FBXL17: variants seen among roughly 807,000 people sequenced by gnomAD.
FBXL17 encodes the protein F-box/LRR-repeat protein 17.
FBXL17 carries 22 observed loss-of-function variants against 66.2 expected under a neutral mutation model. That is an observed-to-expected ratio of 0.33 (90% CI 0.24 to 0.47). The LOEUF (loss-of-function observed/expected upper bound fraction) is 0.47, where lower values mean the gene tolerates loss of function less well. FBXL17 is among the 20% of genes least tolerant of loss of function. The pLI is 1.00. For synonymous variants in FBXL17, 474 were observed against 400.5 expected, an observed-to-expected ratio of 1.18 and a Z score of -2.19; for missense variants, 878 against 948.2, an observed-to-expected ratio of 0.93 and a Z score of 0.97.
In FBXL17 at chr5:108,155,445, G is replaced by A. The variant is rs569774342; in HGVS notation, c.1745+30672C>T. ...CAGGAGAATCACTGGAACCCAGGAG[G>A]TGGAGGTTGTAGTGAGACGAGATCG... On this transcript the variant is annotated intron_variant, in intron 6 of 8. Transcript: ENST00000542267. Among the ~76,000 whole-genome samples, 4 of 152,252 alleles carry A rather than the reference G, an allele frequency of 2.6e-5. No individual in the cohort carries two copies. The South Asian group carries it at 8.3e-4, about 32-fold the overall frequency.
chr5:108,317,335 T>C (rs564380861), intron 4 of FBXL17, among the ~76,000 whole-genome samples: 1 of 144,624 alleles, frequency 6.9e-6, no homozygotes, highest in Non-Finnish European at 1.5e-5. Flanking sequence ...TTGTTTTTTG[T>C]TTTTTTTTTT....
chr5:108,381,769 C>T lies in FBXL17; in HGVS notation c.-78G>A. 2.2e-6 allele frequency: 3 copies of T among 1,368,384 alleles called. No homozygotes were observed. Among genetic ancestry groups the T allele is most frequent in the Non-Finnish European group, 2.8e-6 (3 of 1,066,450 alleles). The allele number at this position is 1,368,384 out of a possible 1,614,324, so 84.8% of individuals were successfully genotyped here. A position where few individuals can be genotyped will look rare whatever the true frequency, so the allele number is the denominator to read the frequency against. On this transcript the variant is annotated 5_prime_UTR_variant, in exon 1 of 9. Coordinates refer to ENST00000542267, the MANE Select transcript of FBXL17 (RefSeq NM_001163315.3). ...GGCGGGCTCCCGGCAGCGGGGCAGG[C>T]CGCTCGCTGGCTCGGCCCCCGGAGG...
At chr5:107,895,245 G>A (rs1437946696) in intron 7 of FBXL17, among the ~76,000 whole-genome samples, 16 of 151,912 alleles carry the variant, frequency 1.1e-4, no homozygotes, top group Admixed American at 9.9e-4. Flanking sequence ...TATTCCCTAA[G>A]TTCTTGTATG....
In FBXL17 at chr5:108,263,981, C is replaced by G. The variant is rs368515924; in HGVS notation, c.1507-39753G>C. ...CTGTAATCCCAGCACTTTGGGAGGC[C>G]GAGGCGGGTAGATCACGAGGTCAGG... On this transcript the variant is annotated intron_variant, in intron 4 of 8. Transcript: ENST00000542267. Among the ~76,000 whole-genome samples, 43 of 152,038 alleles carry G rather than the reference C, an allele frequency of 2.8e-4. No homozygotes were observed. In the South Asian group the frequency reaches 7.1e-3, roughly 25 times the overall value.
At chr5:108,068,285 G>A (rs1358878049) in intron 6 of FBXL17, among the ~76,000 whole-genome samples, 1 of 152,044 alleles carries the variant, frequency 6.6e-6, no homozygotes, top group African/African-American at 2.4e-5. Flanking sequence ...CTGATTTTCA[G>A]TTAAATATTT....
At chr5:107,896,326 A>T (rs904920303) in intron 7 of FBXL17, among the ~76,000 whole-genome samples, 1 of 151,018 alleles carries the variant, frequency 6.6e-6, no homozygotes, top group South Asian at 2.1e-4. Context: ...AAAGGAGATT[A>T]AAAAAAAAGA....
At chr5:108,024,362 C>T (rs1042396072) in intron 6 of FBXL17, among the ~76,000 whole-genome samples, 2 of 152,052 alleles carry the variant, frequency 1.3e-5, no homozygotes, top group Admixed American at 6.6e-5. Flanking sequence ...TCTGTCTTAA[C>T]AAGAGAGAAT....
chr5:108,117,578 A>G (rs1246703285), intron 6 of FBXL17, among the ~76,000 whole-genome samples: 2 of 152,196 alleles, frequency 1.3e-5, no homozygotes, highest in Non-Finnish European at 2.9e-5. Flanking sequence ...CGTACAAAAG[A>G]CCCTCAAAGA....
intron 6 of FBXL17, among the ~76,000 whole-genome samples, chr5:108,037,655 T>C (rs755600931): frequency 2.6e-5 from 4 of 152,194 alleles, no homozygotes; most frequent in Non-Finnish European, 5.9e-5. Flanking sequence ...AAATCCAGGC[T>C]TGCAGACCTC....
At chr5:107,907,282 A>G (rs1749792948) in intron 7 of FBXL17, among the ~76,000 whole-genome samples, 1 of 152,166 alleles carries the variant, frequency 6.6e-6, no homozygotes. Context: ...TAAATGGGGA[A>G]GCTCTAGTTA....
intron 6 of FBXL17, among the ~76,000 whole-genome samples, chr5:108,083,250 C>CACACACACACACAG (rs369652150): frequency 0.049 from 7,190 of 145,406 alleles, 226 homozygotes; most frequent in Middle Eastern, 0.083. Flanking sequence ...CACACACACA[C>CACACACACACACAG]AGAGAGAGAG....
chr5:108,232,905 T>A (rs1468993047), intron 4 of FBXL17, among the ~76,000 whole-genome samples: 1 of 150,336 alleles, frequency 6.7e-6, no homozygotes, highest in Non-Finnish European at 1.5e-5. Flanking sequence ...ATATACTACA[T>A]CTTGTGTATC....
At chr5:107,963,063 T>C (rs562950193) in intron 7 of FBXL17, among the ~76,000 whole-genome samples, 1 of 152,326 alleles carries the variant, frequency 6.6e-6, no homozygotes, top group South Asian at 2.1e-4. Flanking sequence ...GAGGTGCTAA[T>C]CTCATACTAT....
intron 7 of FBXL17, among the ~76,000 whole-genome samples, chr5:107,946,912 G>C (rs963971130): frequency 1.3e-5 from 2 of 152,036 alleles, no homozygotes; most frequent in African/African-American, 4.8e-5. Flanking sequence ...AGTGACATCT[G>C]GAGGGTGATT....
At chr5:108,101,129 C>T (rs933119189) in intron 6 of FBXL17, among the ~76,000 whole-genome samples, 4 of 152,332 alleles carry the variant, frequency 2.6e-5, no homozygotes, top group African/African-American at 9.6e-5. Flanking sequence ...GCCATTTTTA[C>T]ATCAGCCACT....
intron 6 of FBXL17, among the ~76,000 whole-genome samples, chr5:108,120,420 A>T (rs1239547831): frequency 6.6e-6 from 1 of 152,222 alleles, no homozygotes; most frequent in Non-Finnish European, 1.5e-5. Context: ...CACAGATAAA[A>T]AAAAGCTCTG....
At chr5:108,351,921 C>T (rs564022318) in intron 3 of FBXL17, among the ~76,000 whole-genome samples, 7 of 152,206 alleles carry the variant, frequency 4.6e-5, no homozygotes, top group Non-Finnish European at 1.0e-4. Flanking sequence ...AATCACAGCG[C>T]CGCAGGCTGG....
intron 3 of FBXL17, among the ~76,000 whole-genome samples, chr5:108,352,859 G>C (rs2112501159): frequency 6.6e-6 from 1 of 151,556 alleles, no homozygotes; most frequent in Middle Eastern, 3.4e-3. Flanking sequence ...GACAGTGCTA[G>C]AGACACTGGA....
intron 4 of FBXL17, among the ~76,000 whole-genome samples, chr5:108,292,414 C>A (rs1170751107): frequency 1.3e-5 from 2 of 152,156 alleles, no homozygotes; most frequent in Non-Finnish European, 1.5e-5. Context: ...AGCCACCATG[C>A]CTGGCCCCCC....
Sources: gnomAD v4.1 joint callset for allele counts (sites outside exome capture counted in the v4.1 genomes callset) on GRCh38, gnomAD v4.1.1 for gene constraint, MANE v1.5 for transcripts, NCBI Gene and HGNC (gene_info 2026-07-23, HGNC 2026-07-21) for gene names.